Variants in CSMD3 observed in about 807,000 individuals in gnomAD.
The protein encoded by CSMD3 is CUB and Sushi multiple domains 3, also known as CUB and sushi domain-containing protein 3.
CSMD3 carries 177 observed loss-of-function variants against 435.2 expected under a neutral mutation model. That is an observed-to-expected ratio of 0.41 (90% CI 0.36 to 0.46). The LOEUF is 0.46. CSMD3 is among the 20% of genes least tolerant of loss of function. The pLI is 0.34. For synonymous variants in CSMD3, 1,656 were observed against 1,520.5 expected, an observed-to-expected ratio of 1.09 and a Z score of -2.07; for missense variants, 4,265 against 4,504.6, an observed-to-expected ratio of 0.95 and a Z score of 1.52.
At chr8:112,594,446 C>T (rs1307174486) in intron 22 of CSMD3, among the ~76,000 whole-genome samples, 12 of 152,282 alleles carry the variant, frequency 7.9e-5, no homozygotes, top group Middle Eastern at 3.4e-3. Context: ...GGGGGAGGGG[C>T]GCCCGCCATT....
At chr8:112,961,481 C>T (rs1035367427) in intron 7 of CSMD3, among the ~76,000 whole-genome samples, 2 of 151,692 alleles carry the variant, frequency 1.3e-5, no homozygotes, top group Non-Finnish European at 3.0e-5. Context: ...AAAAGAAGAT[C>T]CTGAAGCTAC....
rs1563913209 is a variant in CSMD3 at position 112,410,640 on chromosome 8, A to ATG, written c.5396-1609_5396-1608insCA. On this transcript the variant is annotated intron_variant, in intron 32 of 70. Transcript: ENST00000297405. ...TGTATATATATGTGTATATATATGT[A>ATG]TATATATATGTGTATATATATGTAT... is the stretch of plus-strand genomic sequence containing the variant. Among the ~76,000 whole-genome samples, 13 of 57,528 alleles carry ATG rather than the reference A, an allele frequency of 2.3e-4. 1 individual carries two copies. Among genetic ancestry groups the ATG allele is most frequent in the East Asian group, 1.8e-3 (4 of 2,166 alleles). 37.7% of individuals were successfully genotyped at this position (57,528 alleles called of 152,430 possible).
intron 13 of CSMD3, among the ~76,000 whole-genome samples, chr8:112,704,083 AAATC>A (rs1211852471): frequency 6.6e-6 from 1 of 152,082 alleles, no homozygotes; most frequent in Non-Finnish European, 1.5e-5. Context: ...GCTAGTAGTT[AAATC>A]ATGCACTCTT....
At chr8:113,043,219 T>C (rs1016016850) in intron 5 of CSMD3, among the ~76,000 whole-genome samples, 9 of 152,222 alleles carry the variant, frequency 5.9e-5, no homozygotes, top group South Asian at 2.1e-4. Flanking sequence ...CTTATATTTA[T>C]GTCTTAATCA....
At chr8:113,215,580 A>G (rs1454831915) in intron 3 of CSMD3, among the ~76,000 whole-genome samples, 1 of 151,890 alleles carries the variant, frequency 6.6e-6, no homozygotes, top group Non-Finnish European at 1.5e-5. Context: ...TTAACTTGTG[A>G]CTGCAAATCC....
At chr8:112,459,334 T>TTG (rs768204893) in intron 32 of CSMD3, among the ~76,000 whole-genome samples, 3 of 142,732 alleles carry the variant, frequency 2.1e-5, no homozygotes, top group East Asian at 2.2e-4. Flanking sequence ...GTGCTCATAA[T>TTG]TGTGTGTGTG....
At chr8:113,393,538 G>T (rs1361955195) in intron 1 of CSMD3, among the ~76,000 whole-genome samples, 1 of 152,056 alleles carries the variant, frequency 6.6e-6, no homozygotes, top group Non-Finnish European at 1.5e-5. Context: ...AAATTGAAGT[G>T]CAGTCTTCTC....
chr8:113,004,929 T>C (rs2085999949), intron 6 of CSMD3, among the ~76,000 whole-genome samples: 1 of 151,900 alleles, frequency 6.6e-6, no homozygotes, highest in Non-Finnish European at 1.5e-5. Flanking sequence ...TATGGATAAA[T>C]AATTTTATTT....
chr8:112,569,954 T>A (rs1351892736), intron 24 of CSMD3, among the ~76,000 whole-genome samples: 3 of 152,218 alleles, frequency 2.0e-5, no homozygotes, highest in Non-Finnish European at 4.4e-5. Context: ...TCAATGTGAG[T>A]ACTGTGACCT....
intron 50 of CSMD3, among the ~76,000 whole-genome samples, chr8:112,307,083 G>T (rs1369938467): frequency 6.6e-6 from 1 of 150,462 alleles, no homozygotes; most frequent in Non-Finnish European, 1.5e-5. Flanking sequence ...ATCTTTCAAA[G>T]TATATATTTG....
intron 8 of CSMD3, among the ~76,000 whole-genome samples, chr8:112,949,129 A>C (rs1159504875): frequency 6.6e-6 from 1 of 152,018 alleles, no homozygotes; most frequent in Non-Finnish European, 1.5e-5. Context: ...ATTGAGAACC[A>C]CTGGACTGCT....
intron 4 of CSMD3, among the ~76,000 whole-genome samples, chr8:113,099,507 A>G (rs2090268710): frequency 6.6e-6 from 1 of 152,146 alleles, no homozygotes; most frequent in Non-Finnish European, 1.5e-5. Context: ...TCACATATCC[A>G]GGATATTTTG....
chr8:112,512,840 A>G (rs932214880), intron 28 of CSMD3, among the ~76,000 whole-genome samples: 6 of 152,198 alleles, frequency 3.9e-5, no homozygotes, highest in Non-Finnish European at 8.8e-5. Context: ...TTCATCAGTG[A>G]TCTTAGCTAG....
chr8:112,342,786 A>G (rs1253645479), intron 41 of CSMD3, among the ~76,000 whole-genome samples: 1 of 151,894 alleles, frequency 6.6e-6, no homozygotes, highest in Non-Finnish European at 1.5e-5. Flanking sequence ...AGGGTTTAAA[A>G]TATTAAACAA....
At chr8:113,264,097 C>A (rs2093448913) in intron 3 of CSMD3, among the ~76,000 whole-genome samples, 1 of 150,694 alleles carries the variant, frequency 6.6e-6, no homozygotes, top group African/African-American at 2.4e-5. Flanking sequence ...TATGATGTAC[C>A]ACAATATTTA....
rs761357440 is a variant in CSMD3 at position 112,234,405 on chromosome 8, A to G, written c.10700T>C (p.Val3567Ala). The change falls in exon 68 of 71, where the codon GTG becomes GCG. Residue 3567 changes from valine (V) to alanine (A), a missense_variant. By Grantham distance (64) the Val-to-Ala change is moderately conservative. Coordinates refer to ENST00000297405, the MANE Select transcript of CSMD3 (RefSeq NM_198123.2). ...CCAATTTTCTTCCTTCATTTTCTTCACAGAAGCATGAGCAGGTACTTTAAT... is the reference window on the plus strand; with the variant it reads ...CCAATTTTCTTCCTTCATTTTCTTCGCAGAAGCATGAGCAGGTACTTTAAT... The part of the protein sequence containing the change: ...YLIKVPAHAS[V>A]KKMKEENWAM... 8.2e-5 allele frequency: 133 copies of G among 1,613,190 alleles called. No individual in the cohort carries two copies. Among genetic ancestry groups the G allele is most frequent in the Non-Finnish European group, 1.1e-4 (129 of 1,179,618 alleles).
At chr8:113,275,899 A>G (rs908007013) in intron 3 of CSMD3, among the ~76,000 whole-genome samples, 5 of 152,032 alleles carry the variant, frequency 3.3e-5, no homozygotes, top group Admixed American at 2.6e-4. Flanking sequence ...TGTCCAGGTT[A>G]GTAGATCTAT....
At chr8:113,054,670 C>T (rs147444519) in intron 5 of CSMD3, among the ~76,000 whole-genome samples, 2,862 of 152,176 alleles carry the variant, frequency 0.019, 30 homozygotes, top group Middle Eastern at 0.041. Context: ...TTTAAGAAAT[C>T]CCAACTTTAT....
At chr8:112,697,747 AC>A (rs1211384161) in intron 13 of CSMD3, among the ~76,000 whole-genome samples, 2 of 151,968 alleles carry the variant, frequency 1.3e-5, no homozygotes, top group African/African-American at 2.4e-5. Flanking sequence ...AAAATAAGGT[AC>A]TAAGGATATA....
Sources: allele counts gnomAD v4.1 joint callset (sites outside exome capture counted in the v4.1 genomes callset), GRCh38; gene constraint gnomAD v4.1.1; transcripts MANE v1.5; gene names NCBI Gene and HGNC (gene_info 2026-07-23, HGNC 2026-07-21).